Variants in APOBEC3B observed in about 807,000 individuals in gnomAD.
The protein encoded by APOBEC3B is apolipoprotein B mRNA editing enzyme catalytic subunit 3B.
In APOBEC3B, 29 loss-of-function variants were observed where a neutral mutation model predicts 53.4. That is an observed-to-expected ratio of 0.54 (90% CI 0.40 to 0.74). APOBEC3B has a LOEUF of 0.74. APOBEC3B is among the 30% of genes least tolerant of loss of function. The pLI is 0.00. For missense variants in APOBEC3B, 347 were observed against 496.2 expected (o/e 0.70, Z 2.86); for synonymous variants, 132 against 184.8 (o/e 0.71, Z 2.32).
chr22:38,988,865 G>C lies in APOBEC3B; in HGVS notation c.570-592G>C, dbSNP rs987108916. On this transcript the variant is annotated intron_variant, in intron 4 of 7. Coordinates refer to ENST00000333467, the MANE Select transcript of APOBEC3B (RefSeq NM_004900.5). ...GGGAGAGGCCTTCAAGGTGGGGCTGGTGTTTCCAGCCCAGGAGTCCTGAGC... is the reference window on the plus strand; with the variant it reads ...GGGAGAGGCCTTCAAGGTGGGGCTGCTGTTTCCAGCCCAGGAGTCCTGAGC... 3.8e-4 allele frequency among the ~76,000 whole-genome samples: 56 copies of C among 146,328 alleles called. 3 individuals are homozygous for C. Among genetic ancestry groups the C allele is most frequent in the African/African-American group, 1.4e-3 (55 of 40,338 alleles).
chr22:38,986,171 G>T (rs1394909097), intron 3 of APOBEC3B, 80 bp downstream of exon 3: 2 of 1,574,018 alleles, frequency 1.3e-6, no homozygotes, highest in African/African-American at 2.7e-5. Context: ...CCATGGCTGG[G>T]GGTGTCCCAG....
At chr22:38,988,253 C>T (rs1389248455) in intron 4 of APOBEC3B, among the ~76,000 whole-genome samples, 2 of 148,556 alleles carry the variant, frequency 1.3e-5, no homozygotes, top group African/African-American at 4.9e-5. Flanking sequence ...CTGGTCTCTC[C>T]TCCAATGGTA....
chr22:38,988,741 C>CTTTCTT (rs1256482589), intron 4 of APOBEC3B, among the ~76,000 whole-genome samples: 2 of 121,584 alleles, frequency 1.6e-5, no homozygotes, highest in African/African-American at 7.0e-5. Flanking sequence ...TTCTTTCTTT[C>CTTTCTT]TTTCTTCCTT....
intron 4 of APOBEC3B, among the ~76,000 whole-genome samples, chr22:38,988,725 C>T (rs1923860572): frequency 7.5e-6 from 1 of 133,972 alleles, no homozygotes; most frequent in Non-Finnish European, 1.6e-5. Flanking sequence ...TTCTTTCTTT[C>T]TTTCTTTCTT....
chr22:38,985,362 A>T (rs1241530427), intron 2 of APOBEC3B, among the ~76,000 whole-genome samples: 1 of 148,514 alleles, frequency 6.7e-6, no homozygotes, highest in Non-Finnish European at 1.5e-5. Context: ...GAACAGTCAC[A>T]TGAGGGTGAA....
At chr22:38,989,008 C>G (rs1923882915) in intron 4 of APOBEC3B, among the ~76,000 whole-genome samples, 1 of 147,546 alleles carries the variant, frequency 6.8e-6, no homozygotes, top group African/African-American at 2.5e-5. Flanking sequence ...CCAATGATCC[C>G]CCTCAGGAGT....
At chr22:38,986,998 C>T (rs934028271) in intron 4 of APOBEC3B, among the ~76,000 whole-genome samples, 3 of 148,754 alleles carry the variant, frequency 2.0e-5, no homozygotes, top group Admixed American at 6.9e-5. Context: ...TCCAGATGTC[C>T]TCCCATCCAG....
intron 2 of APOBEC3B, among the ~76,000 whole-genome samples, chr22:38,984,897 T>C (rs1457371494): frequency 4.2e-4 from 13 of 31,036 alleles, no homozygotes; most frequent in African/African-American, 1.1e-3. Context: ...TTTTTTTCCT[T>C]TTTTTTTTTT....
chr22:38,987,605 A>G (rs768609701), intron 4 of APOBEC3B, among the ~76,000 whole-genome samples: 2 of 148,608 alleles, frequency 1.3e-5, no homozygotes, highest in Non-Finnish European at 3.0e-5. Flanking sequence ...GTTTCAACAC[A>G]AAGTCTTAGG....
intron 2 of APOBEC3B, 38 bp downstream of exon 2, chr22:38,984,269 G>A (rs1569037093): frequency 1.3e-6 from 2 of 1,581,058 alleles, no homozygotes; most frequent in Middle Eastern, 1.7e-4. Context: ...AGGCAGTGTT[G>A]CAGGAATTAG....
In APOBEC3B at chr22:38,992,529, A is replaced by G. The variant is rs1924053818; in HGVS notation, c.*84A>G. 3.7e-6 allele frequency: 6 copies of G among 1,601,598 alleles called. No individual in the cohort carries two copies. In the East Asian group the frequency reaches 9.0e-5, roughly 24 times the overall value. The stretch of plus-strand genomic sequence containing the variant: ...ATCTTCTTCCAAGAAATGCAAACAG[A>G]CCGTTCACCACCATCTCCAGCTGCT... On this transcript the variant is annotated 3_prime_UTR_variant, in exon 8 of 8. Coordinates refer to ENST00000333467, the MANE Select transcript of APOBEC3B (RefSeq NM_004900.5).
intron 6 of APOBEC3B, among the ~76,000 whole-genome samples, 187 bp downstream of exon 6, chr22:38,991,813 T>C (rs1924013154): frequency 6.8e-6 from 1 of 147,324 alleles, no homozygotes; most frequent in South Asian, 2.2e-4. Context: ...TGGCTGGAAG[T>C]GGAAGCAGAA....
Position 38,989,529 on chromosome 22 carries a change from C to T in APOBEC3B, c.642C>T (p.Thr214=), listed in dbSNP as rs760890680. 10 of 1,589,704 alleles carry T rather than the reference C, an allele frequency of 6.3e-6. 1 individual carries two copies. Among genetic ancestry groups the T allele is most frequent in the Middle Eastern group, 1.7e-4 (1 of 5,856 alleles). ...NDPLVLRRRQ[T]YLCYEVERLD... ...CTTTGGTCCTTCGACGGCGCCAGAC[C>T]TACTTGTGCTATGAGGTGGAGCGCC... Residue 214 remains threonine, a synonymous_variant, in exon 5 of 8, where the codon ACC becomes ACT. Transcript: ENST00000333467.
chr22:38,992,185 G>T (rs1406151437), intron 7 of APOBEC3B, 36 bp downstream of exon 7: 4 of 1,583,338 alleles, frequency 2.5e-6, no homozygotes, highest in East Asian at 2.5e-5. Flanking sequence ...TGCCCCATCG[G>T]CCTCCCCCTC....
chr22:38,984,567 T>C (rs1414270116), intron 2 of APOBEC3B, among the ~76,000 whole-genome samples: 1 of 148,658 alleles, frequency 6.7e-6, no homozygotes, highest in Non-Finnish European at 1.5e-5. Flanking sequence ...TAAAATATAG[T>C]TATAATGGTT....
In APOBEC3B at chr22:38,992,140, C is replaced by T; in HGVS notation, c.1125C>T (p.Ala375=). The change falls in exon 7 of 8, where the codon GCC becomes GCT. Residue 375 remains alanine, a synonymous_variant. Coordinates refer to ENST00000333467, the MANE Select transcript of APOBEC3B (RefSeq NM_004900.5). ...AAGCCCTGAGTGGGAGGCTGCGGGC[C>T]ATTCTCCAGGTGAGGGCTTCCTCCC... ...HSQALSGRLR[A]ILQNQGN is the part of the protein sequence containing the mutation. The T allele has an allele frequency of 1.3e-6, 2 of 1,592,436 alleles. No individual in the cohort carries two copies. Among genetic ancestry groups the T allele is most frequent in the African/African-American group, 2.7e-5 (2 of 74,404 alleles).
chr22:38,986,553 G>T lies in APOBEC3B; in HGVS notation c.569+141G>T. On this transcript the variant is annotated intron_variant, in intron 4 of 7. Transcript: ENST00000333467. Reference sequence around the variant, plus strand: ...TCACACCACCTTCCCTTAACTCCTGGTGCTCCCTCCACACTGCCTCCTCCC... The same window carrying T: ...TCACACCACCTTCCCTTAACTCCTGTTGCTCCCTCCACACTGCCTCCTCCC... The T allele has an allele frequency of 2.9e-6, 3 of 1,038,836 alleles. No individual in the cohort carries two copies. The Admixed American group carries it at 8.3e-5, about 29-fold the overall frequency. 64.4% of individuals were successfully genotyped at this position (1,038,836 alleles called of 1,614,324 possible).
chr22:38,985,848 T>G lies in APOBEC3B; in HGVS notation c.211T>G (p.Phe71Val). ...GCCTCAGTACCACGCAGAAATGTGC[T>G]TCCTCTCTTGGTTCTGTGGCAACCA... Reference protein sequence around the residue: ...FKPQYHAEMCFLSWFCGNQLP... With the variant: ...FKPQYHAEMCVLSWFCGNQLP... The change falls in exon 3 of 8, where the codon TTC (phenylalanine) becomes GTC (valine). Residue 71 changes from phenylalanine to valine, a missense_variant. Around this residue, in one of 5 missense-constraint regions of APOBEC3B, gnomAD observed 73 missense variants for 90.9 expected, o/e 0.80. Coordinates refer to ENST00000333467, the MANE Select transcript of APOBEC3B (RefSeq NM_004900.5). 1 of 1,593,562 alleles carries G rather than the reference T, an allele frequency of 6.3e-7. No homozygotes were observed. Among genetic ancestry groups the G allele is most frequent in the South Asian group, 1.1e-5 (1 of 88,760 alleles).
chr22:38,988,681 T>TTCTCTCTTTCTCTCTCTC lies in APOBEC3B; in HGVS notation c.570-771_570-770insCTTTCTCTCTCTCTCTCT, dbSNP rs58110435. On this transcript the variant is annotated intron_variant, in intron 4 of 7. Transcript: ENST00000333467. ...CCTTGCTTCCTCTCTCTTTCTCTCT[T>TTCTCTCTTTCTCTCTCTC]TCTCTTTCTTTCTTTCTTTCTTTCT... is the stretch of plus-strand genomic sequence containing the variant. Among the ~76,000 whole-genome samples, 21 of 63,618 alleles carry TTCTCTCTTTCTCTCTCTC rather than the reference T, an allele frequency of 3.3e-4. 1 individual carries two copies. Among genetic ancestry groups the TTCTCTCTTTCTCTCTCTC allele is most frequent in the East Asian group, 2.0e-3 (2 of 1,002 alleles). The allele number at this position is 63,618 out of a possible 152,430, so 41.7% of individuals were successfully genotyped here.
Sources: allele counts gnomAD v4.1 joint callset (sites outside exome capture counted in the v4.1 genomes callset), GRCh38; gene constraint gnomAD v4.1.1; regional missense constraint gnomAD v4.1.1; transcripts MANE v1.5; gene names NCBI Gene and HGNC (gene_info 2026-07-23, HGNC 2026-07-21).